APOC1: variants seen among roughly 807,000 people sequenced by gnomAD.
The protein encoded by APOC1 is apolipoprotein C-I.
Under a neutral mutation model 6.7 loss-of-function variants are expected in APOC1, and 4 were observed. The ratio of observed to expected loss-of-function variants is 0.60; its 90% CI spans 0.29 to 1.37. APOC1 has a LOEUF of 1.37. Among genes scored for constraint, APOC1 ranks in the 40% most tolerant of loss-of-function variants. The pLI is 0.09. For synonymous variants in APOC1, 33 were observed against 40.6 expected (o/e 0.81, Z 0.72); for missense variants, 122 against 99.4 (o/e 1.23, Z -0.97).
intron 3 of APOC1, among the ~76,000 whole-genome samples, chr19:44,917,318 C>G (rs930709260): frequency 3.9e-5 from 6 of 152,130 alleles, no homozygotes; most frequent in African/African-American, 2.4e-5. Context: ...AAGAACGTGC[C>G]GAGCACGGTG....
intron 3 of APOC1, among the ~76,000 whole-genome samples, chr19:44,918,337 C>CTTTTTTTTTTTTTTTTTTTTTT (rs1200008263): frequency 2.2e-5 from 2 of 90,332 alleles, no homozygotes; most frequent in African/African-American, 4.3e-5. Flanking sequence ...TGAAGTGTTT[C>CTTTTTTTTTTTTTTTTTTTTTT]TTTTTTTTTT....
chr19:44,915,315 C>CT (rs898326230), intron 2 of APOC1: 2,445 of 132,326 alleles, frequency 0.018, 66 homozygotes, highest in African/African-American at 0.051. Flanking sequence ...CCTCCCCATT[C>CT]TTTTTTTTTT....
chr19:44,918,431 GGCT>G (rs1392547277), intron 3 of APOC1, among the ~76,000 whole-genome samples: 1 of 139,768 alleles, frequency 7.2e-6, no homozygotes, highest in Non-Finnish European at 1.5e-5. Flanking sequence ...GCCTGATCTC[GGCT>G]CACTGCAAGT....
At position 44,916,209 on chromosome 19, in the gene APOC1, G is replaced by A. The variant is rs765550511; in HGVS notation, c.78G>A (p.Gly26=). The stretch of plus-strand genomic sequence containing the variant: ...TGGCAGGCCCAGCCCCAGCCCAGGG[G>A]ACCCCAGACGTCTCCAGTGCCTTGG... ...IVLEGPAPAQ[G]TPDVSSALDK... The change falls in exon 3 of 4, where the codon GGG becomes GGA. Residue 26 remains glycine (G), a synonymous_variant. Transcript: ENST00000592535. The A allele has an allele frequency of 1.3e-6, 2 of 1,587,544 alleles. No individual in the cohort carries two copies. Among genetic ancestry groups the A allele is most frequent in the Non-Finnish European group, 1.7e-6 (2 of 1,165,300 alleles).
chr19:44,915,978 C>T (rs1399367693), intron 2 of APOC1, among the ~76,000 whole-genome samples: 1 of 148,932 alleles, frequency 6.7e-6, no homozygotes, highest in Non-Finnish European at 1.5e-5. Flanking sequence ...CAAAACAAAA[C>T]AAAACAAAAA....
chr19:44,919,309 G>A lies in APOC1; in HGVS notation c.*79G>A, dbSNP rs995820644. On this transcript the variant is annotated 3_prime_UTR_variant, in exon 4 of 4. Transcript: ENST00000592535. Reference sequence around the variant, plus strand: ...CGCCTGTGCTGAGGACTCCCTCCATGTGGCCCCAGGTGCCACCAATAAAAA... The same window carrying A: ...CGCCTGTGCTGAGGACTCCCTCCATATGGCCCCAGGTGCCACCAATAAAAA... 1 of 1,225,716 alleles carries A rather than the reference G, an allele frequency of 8.2e-7. No homozygotes were observed. The highest frequency in any genetic ancestry group is 1.2e-6 in the Non-Finnish European group (1 of 838,804). 75.9% of individuals were successfully genotyped at this position (1,225,716 alleles called of 1,614,324 possible).
At chr19:44,914,784 T>A in intron 1 of APOC1, 51 bp downstream of exon 1, 2 of 1,175,532 alleles carry the variant, frequency 1.7e-6, no homozygotes, top group Admixed American at 3.9e-5. Context: ...TGCAAGAAAC[T>A]CAAAAAGGGA....
At chr19:44,914,807 G>A (rs1383584713) in intron 1 of APOC1, 65 bp from the exon 2 acceptor site, 5 of 1,372,298 alleles carry the variant, frequency 3.6e-6, no homozygotes, top group South Asian at 1.2e-5. Flanking sequence ...TGAGGGGATC[G>A]TGGGAGGGAG....
At chr19:44,915,432 T>G (rs1279713111) in intron 2 of APOC1, among the ~76,000 whole-genome samples, 1 of 148,474 alleles carries the variant, frequency 6.7e-6, no homozygotes, top group African/African-American at 2.5e-5. Context: ...CACGCCATTC[T>G]CCTGCCTCAG....
intron 3 of APOC1, among the ~76,000 whole-genome samples, chr19:44,918,047 A>C (rs548805913): frequency 6.6e-6 from 1 of 151,980 alleles, no homozygotes; most frequent in East Asian, 2.0e-4. Flanking sequence ...GAGCAGGCGG[A>C]TCACGAGGTC....
At chr19:44,916,969 A>T (rs916402954) in intron 3 of APOC1, among the ~76,000 whole-genome samples, 17 of 130,556 alleles carry the variant, frequency 1.3e-4, no homozygotes, top group African/African-American at 3.4e-4. Context: ...GTCTCCATTT[A>T]AAAAAAAAAA....
rs866401374 is a variant in APOC1, at chr19:44,915,232, G to A, written c.58+283G>A. On this transcript the variant is annotated intron_variant, in intron 2 of 3. Coordinates refer to ENST00000592535, the MANE Select transcript of APOC1 (RefSeq NM_001645.5). The stretch of plus-strand genomic sequence containing the variant: ...CTTGAAAGTGGGTAAGCTGGGTGGG[G>A]GGCTCTGGGAGAGGTCAGTGCTGAG... 6.6e-5 allele frequency: 34 copies of A among 515,922 alleles called. No individual in the cohort carries two copies. The South Asian group carries it at 6.7e-4, about 10-fold the overall frequency. The allele number at this position is 515,922 out of a possible 1,614,324, so 32.0% of individuals were successfully genotyped here.
chr19:44,919,022 G>C, intron 3 of APOC1, 151 bp from the exon 4 acceptor site: 1 of 718,878 alleles, frequency 1.4e-6, no homozygotes, highest in Non-Finnish European at 2.4e-6. Flanking sequence ...ACAGAAGTTG[G>C]CCCACCCAGC....
chr19:44,916,331 A>C lies in APOC1; in HGVS notation c.194+6A>C. 1 of 1,613,562 alleles carries C rather than the reference A, an allele frequency of 6.2e-7. No homozygotes were observed. Among genetic ancestry groups the C allele is most frequent in the South Asian group, 1.1e-5 (1 of 91,048 alleles). ...GAACTTTCTGCCAAGATGCGGTTAG[A>C]ACCCTTCCCAGGGCACGGGAGAGCT... On this transcript the variant is annotated splice_donor_region_variant and intron_variant, in intron 3 of 3. Transcript: ENST00000592535.
At chr19:44,916,567 C>G (rs1970013358) in intron 3 of APOC1, 1 of 571,386 alleles carries the variant, frequency 1.8e-6, no homozygotes, top group Admixed American at 3.7e-5. Context: ...CTTGCAATCC[C>G]AGCACTTAGG....
chr19:44,915,762 T>A (rs777015592), intron 2 of APOC1, among the ~76,000 whole-genome samples: 2 of 149,814 alleles, frequency 1.3e-5, no homozygotes, highest in Non-Finnish European at 3.0e-5. Context: ...AGGTCAGGAG[T>A]TCGAAACCAG....
intron 3 of APOC1, among the ~76,000 whole-genome samples, chr19:44,916,968 TAAAAAA>T (rs753649749): frequency 1.5e-5 from 2 of 134,748 alleles, no homozygotes; most frequent in African/African-American, 2.7e-5. Context: ...TGTCTCCATT[TAAAAAA>T]AAAAAAAAAA....
intron 3 of APOC1, among the ~76,000 whole-genome samples, chr19:44,917,526 C>T (rs1368313185): frequency 6.6e-6 from 1 of 151,630 alleles, no homozygotes; most frequent in African/African-American, 2.4e-5. Context: ...TGCAGTGCGC[C>T]ATGTTTGTGC....
intron 2 of APOC1, 156 bp downstream of exon 2, chr19:44,915,105 C>CA: frequency 1.3e-6 from 1 of 742,052 alleles, no homozygotes; most frequent in South Asian, 1.6e-5. Context: ...CAGGTTCTCC[C>CA]AGGCTCAGTC....
Sources: allele counts gnomAD v4.1 joint callset (sites outside exome capture counted in the v4.1 genomes callset), GRCh38; gene constraint gnomAD v4.1.1; transcripts MANE v1.5; gene names NCBI Gene and HGNC (gene_info 2026-07-23, HGNC 2026-07-21).